The following NRG3 variants were observed in gnomAD, a reference collection of about 807,000 sequenced individuals.
The protein encoded by NRG3 is pro-neuregulin-3, membrane-bound isoform.
In NRG3, 31 loss-of-function variants were observed where a neutral mutation model predicts 66.9. The observed-to-expected ratio is 0.46, with a 90% CI of 0.35 to 0.63. The LOEUF (loss-of-function observed/expected upper bound fraction) is 0.63. Ranked by LOEUF, NRG3 falls within the 20% of genes least tolerant of loss-of-function variation. The probability of loss-of-function intolerance (pLI) is 0.00; values close to 1 mark genes in which losing one functional copy is unlikely to be tolerated. For synonymous variants in NRG3, 393 were observed against 359.4 expected (o/e 1.09, Z -1.06); for missense variants, 910 against 878.9 (o/e 1.04, Z -0.45).
At chr10:81,991,481 T>C (rs1446448127) in intron 1 of NRG3, among the ~76,000 whole-genome samples, 3 of 152,134 alleles carry the variant, frequency 2.0e-5, no homozygotes, top group Non-Finnish European at 4.4e-5. Flanking sequence ...GAGTCTATGG[T>C]AGAATATTAA....
intron 2 of NRG3, among the ~76,000 whole-genome samples, chr10:82,420,664 A>G (rs941297594): frequency 6.6e-6 from 1 of 152,128 alleles, no homozygotes; most frequent in Non-Finnish European, 1.5e-5. Flanking sequence ...TCATCATCCC[A>G]CATCCAGGAA....
intron 1 of NRG3, among the ~76,000 whole-genome samples, chr10:81,951,051 C>T (rs1849305267): frequency 1.3e-5 from 2 of 152,108 alleles, no homozygotes; most frequent in African/African-American, 4.8e-5. Flanking sequence ...TGGAGGGTTA[C>T]AGATTGGTTA....
At chr10:82,928,927 G>A (rs1847283217) in intron 4 of NRG3, among the ~76,000 whole-genome samples, 1 of 152,136 alleles carries the variant, frequency 6.6e-6, no homozygotes, top group South Asian at 2.1e-4. Flanking sequence ...AATCTGAGAA[G>A]GCTGGATTTC....
chr10:82,862,737 C>A (rs952270450), intron 3 of NRG3, among the ~76,000 whole-genome samples: 10 of 152,256 alleles, frequency 6.6e-5, no homozygotes, highest in Middle Eastern at 3.4e-3. Context: ...TCTACACTTA[C>A]TTGGGATTCG....
chr10:82,434,081 G>A (rs2089985695), intron 2 of NRG3, among the ~76,000 whole-genome samples: 1 of 152,130 alleles, frequency 6.6e-6, no homozygotes, highest in African/African-American at 2.4e-5. Context: ...CTATCCATGA[G>A]GATGGAATGT....
intron 1 of NRG3, among the ~76,000 whole-genome samples, chr10:82,110,297 A>G (rs2067308894): frequency 6.6e-6 from 1 of 152,174 alleles, no homozygotes; most frequent in Non-Finnish European, 1.5e-5. Context: ...ATGGGTGATC[A>G]TATGGAGTGA....
chr10:82,038,477 A>G (rs898973486), intron 1 of NRG3, among the ~76,000 whole-genome samples: 5 of 152,142 alleles, frequency 3.3e-5, no homozygotes, highest in African/African-American at 9.6e-5. Flanking sequence ...ACTCAAGAAA[A>G]GGGGCAATGC....
chr10:82,326,393 C>T (rs1407521026), intron 1 of NRG3, among the ~76,000 whole-genome samples: 1 of 151,976 alleles, frequency 6.6e-6, no homozygotes, highest in African/African-American at 2.4e-5. Flanking sequence ...TGGTTTTCTT[C>T]ATCCTTCTTA....
rs142119629 is a variant in NRG3, at chr10:82,355,745, C to T, written c.824-2994C>T. ...TAAAATTTCACCTCATGATGAATTA[C>T]ACTTACCTTAGCCAATGCCTCTGTG... On this transcript the variant is annotated intron_variant, in intron 1 of 8. Coordinates refer to ENST00000372141, the MANE Select transcript of NRG3 (RefSeq NM_001010848.4). Among the ~76,000 whole-genome samples the T allele has an allele frequency of 1.4e-4, 22 of 152,226 alleles. No homozygotes were observed. The East Asian group carries it at 4.2e-3, about 29-fold the overall frequency.
intron 2 of NRG3, among the ~76,000 whole-genome samples, chr10:82,519,490 A>G (rs1335397259): frequency 6.6e-6 from 1 of 152,194 alleles, no homozygotes. Flanking sequence ...AAACACCATC[A>G]CATTTATTTA....
chr10:82,602,505 G>A (rs1049645822), intron 2 of NRG3, among the ~76,000 whole-genome samples: 1 of 151,944 alleles, frequency 6.6e-6, no homozygotes, highest in African/African-American at 2.4e-5. Context: ...TATACTCTTA[G>A]CTTTGAAGAT....
chr10:82,744,902 C>T (rs1297935552), intron 3 of NRG3, among the ~76,000 whole-genome samples: 4 of 152,076 alleles, frequency 2.6e-5, no homozygotes, highest in African/African-American at 9.7e-5. Flanking sequence ...CTATTATCAT[C>T]ATTATTATTT....
chr10:82,275,738 CA>C (rs1247881027), intron 1 of NRG3, among the ~76,000 whole-genome samples: 1 of 151,692 alleles, frequency 6.6e-6, no homozygotes, highest in African/African-American at 2.4e-5. Flanking sequence ...AATTAACTTT[CA>C]AAAATCTTAA....
intron 2 of NRG3, among the ~76,000 whole-genome samples, chr10:82,682,432 G>GAT (rs1554996017): frequency 1.3e-5 from 2 of 149,732 alleles, no homozygotes; most frequent in African/African-American, 4.9e-5. Flanking sequence ...TAGATAGATA[G>GAT]ATAGATAATA....
At chr10:82,752,911 C>T (rs2058930776) in intron 3 of NRG3, among the ~76,000 whole-genome samples, 1 of 152,168 alleles carries the variant, frequency 6.6e-6, no homozygotes, top group African/African-American at 2.4e-5. Context: ...TATTTTGTTA[C>T]AGCAATCCAA....
At chr10:82,723,595 A>T (rs17100613) in intron 2 of NRG3, among the ~76,000 whole-genome samples, 1 of 152,208 alleles carries the variant, frequency 6.6e-6, no homozygotes, top group Admixed American at 6.5e-5. Flanking sequence ...GGAAAAAAAA[A>T]TAGAATGATA....
intron 6 of NRG3, among the ~76,000 whole-genome samples, chr10:82,965,600 G>T (rs2132507289): frequency 6.6e-6 from 1 of 152,178 alleles, no homozygotes; most frequent in African/African-American, 2.4e-5. Context: ...GCCGGGCGTG[G>T]TGGTGGGCGC....
intron 3 of NRG3, among the ~76,000 whole-genome samples, chr10:82,783,947 A>G (rs1371829889): frequency 5.3e-5 from 8 of 151,884 alleles, no homozygotes; most frequent in Admixed American, 2.0e-4. Context: ...ACGCTACCTG[A>G]CTTCAAACTA....
chr10:81,988,898 A>G (rs1040653980), intron 1 of NRG3, among the ~76,000 whole-genome samples: 1 of 151,864 alleles, frequency 6.6e-6, no homozygotes, highest in African/African-American at 2.4e-5. Flanking sequence ...TGAGGAAAAG[A>G]AAAACCTTTG....
Sources: allele counts gnomAD v4.1 joint callset (sites outside exome capture counted in the v4.1 genomes callset), GRCh38; gene constraint gnomAD v4.1.1; transcripts MANE v1.5; gene names NCBI Gene and HGNC (gene_info 2026-07-23, HGNC 2026-07-21).